The following SIPA1L1 variants were observed in gnomAD, a reference collection of about 807,000 sequenced individuals.
SIPA1L1 encodes signal induced proliferation associated 1 like 1.
Under a neutral mutation model 162.7 loss-of-function variants are expected in SIPA1L1, and 26 were observed. The ratio of observed to expected loss-of-function variants is 0.16; its 90% confidence interval spans 0.12 to 0.22. SIPA1L1 has a LOEUF of 0.22. SIPA1L1 is among the 10% of genes least tolerant of loss of function. The pLI, the probability that SIPA1L1 is intolerant of heterozygous loss-of-function variation, is 1.00. For missense variants in SIPA1L1, 1,874 were observed against 2,241.0 expected (o/e 0.84, Z 3.31); for synonymous variants, 829 against 837.4 (o/e 0.99, Z 0.17).
At position 71,739,044 on chromosome 14, in the gene SIPA1L1, G is replaced by A. The variant is rs759192088; in HGVS notation, c.5235G>A (p.Gln1745=). 6.2e-7 allele frequency: 1 copy of A among 1,613,846 alleles called. No individual in the cohort carries two copies. Among genetic ancestry groups the A allele is most frequent in the South Asian group, 1.1e-5 (1 of 91,058 alleles). ...KKEKEDKAHL[Q]AEVQHLREDN... Reference sequence around the variant, plus strand: ...AAAAAGAAGACAAAGCTCACCTTCAGGCGGAGGTGCAGCACCTGCGAGAGG... The same window carrying A: ...AAAAAGAAGACAAAGCTCACCTTCAAGCGGAGGTGCAGCACCTGCGAGAGG... Residue 1745 remains glutamine, a synonymous_variant, in exon 24 of 24, where the codon CAG becomes CAA. Transcript: ENST00000381232.
intron 2 of SIPA1L1, among the ~76,000 whole-genome samples, chr14:71,434,349 A>G (rs535960016): frequency 6.6e-6 from 1 of 152,368 alleles, no homozygotes; most frequent in South Asian, 2.1e-4. Flanking sequence ...GTAGAAGGAT[A>G]TGAGTATCAC....
intron 19 of SIPA1L1, among the ~76,000 whole-genome samples, chr14:71,728,011 A>G (rs1414827407): frequency 6.6e-6 from 1 of 152,196 alleles, no homozygotes; most frequent in Non-Finnish European, 1.5e-5. Context: ...CTTGAAGCAT[A>G]TTAACATTTC....
At chr14:71,512,279 T>C (rs2051222849) in intron 2 of SIPA1L1, among the ~76,000 whole-genome samples, 2 of 152,098 alleles carry the variant, frequency 1.3e-5, no homozygotes, top group Admixed American at 1.3e-4. Context: ...TCTCATCAAC[T>C]GGGTTTTACT....
intron 2 of SIPA1L1, among the ~76,000 whole-genome samples, chr14:71,352,258 T>C (rs1467767721): frequency 6.6e-6 from 1 of 152,138 alleles, no homozygotes; most frequent in Non-Finnish European, 1.5e-5. Context: ...CATGGCTCAC[T>C]GCAGCCTCCC....
At chr14:71,447,015 G>A (rs1310144370) in intron 2 of SIPA1L1, among the ~76,000 whole-genome samples, 1 of 142,522 alleles carries the variant, frequency 7.0e-6, no homozygotes, top group Non-Finnish European at 1.5e-5. Flanking sequence ...AGGCTCAAGT[G>A]ATTCTCCTAT....
chr14:71,404,954 A>C (rs1390492865), intron 2 of SIPA1L1, among the ~76,000 whole-genome samples: 1 of 152,222 alleles, frequency 6.6e-6, no homozygotes, highest in African/African-American at 2.4e-5. Context: ...TCATTCATTC[A>C]ACAGAGTTTT....
intron 2 of SIPA1L1, among the ~76,000 whole-genome samples, chr14:71,424,733 TGTA>T (rs1433773916): frequency 3.3e-5 from 5 of 152,070 alleles, no homozygotes; most frequent in Non-Finnish European, 4.4e-5. Context: ...CCAATTTTCT[TGTA>T]GTATCTTCAT....
chr14:71,510,723 T>A (rs560239590), intron 2 of SIPA1L1, among the ~76,000 whole-genome samples: 4 of 152,254 alleles, frequency 2.6e-5, no homozygotes, highest in Non-Finnish European at 5.9e-5. Flanking sequence ...TCCTGAGAAT[T>A]ATGGATAATA....
intron 2 of SIPA1L1, among the ~76,000 whole-genome samples, chr14:71,391,697 T>C (rs1380491660): frequency 1.3e-5 from 2 of 152,218 alleles, no homozygotes; most frequent in Non-Finnish European, 2.9e-5. Flanking sequence ...GGGTTCTTTT[T>C]GTCGTCTTCT....
At chr14:71,446,354 T>G (rs866429174) in intron 2 of SIPA1L1, among the ~76,000 whole-genome samples, 2 of 152,228 alleles carry the variant, frequency 1.3e-5, no homozygotes, top group Non-Finnish European at 2.9e-5. Context: ...TATGTATGTT[T>G]TGTATTCTGC....
At chr14:71,492,052 GTAGC>G (rs2049327198) in intron 2 of SIPA1L1, among the ~76,000 whole-genome samples, 1 of 152,116 alleles carries the variant, frequency 6.6e-6, no homozygotes, top group Admixed American at 6.5e-5. Flanking sequence ...AGGCACCACG[GTAGC>G]TAGCATTGGC....
At chr14:71,454,401 T>C (rs1400677681) in intron 2 of SIPA1L1, among the ~76,000 whole-genome samples, 1 of 152,188 alleles carries the variant, frequency 6.6e-6, no homozygotes, top group Admixed American at 6.5e-5. Flanking sequence ...TTGGCAGTTA[T>C]TGAATCTCAG....
At chr14:71,548,037 C>G (rs1316348163) in intron 4 of SIPA1L1, among the ~76,000 whole-genome samples, 2 of 152,252 alleles carry the variant, frequency 1.3e-5, no homozygotes, top group East Asian at 3.9e-4. Flanking sequence ...TATTTTTGAG[C>G]AGGTACCAAC....
chr14:71,417,288 G>T (rs557569783), intron 2 of SIPA1L1, among the ~76,000 whole-genome samples: 1 of 151,140 alleles, frequency 6.6e-6, no homozygotes, highest in African/African-American at 2.4e-5. Flanking sequence ...TGGCTAACAC[G>T]GTGAAACCCC....
intron 2 of SIPA1L1, among the ~76,000 whole-genome samples, chr14:71,352,830 A>G (rs2036852176): frequency 1.3e-5 from 2 of 152,232 alleles, no homozygotes; most frequent in East Asian, 3.8e-4. Flanking sequence ...ATGGCATGTG[A>G]GAGCTCCACA....
chr14:71,356,990 G>T (rs936750501), intron 2 of SIPA1L1, among the ~76,000 whole-genome samples: 8 of 152,070 alleles, frequency 5.3e-5, no homozygotes, highest in African/African-American at 1.7e-4. Flanking sequence ...ATTGAAGAAT[G>T]AAATTAATAT....
chr14:71,545,279 A>G (rs2055081218), intron 4 of SIPA1L1, among the ~76,000 whole-genome samples: 2 of 152,244 alleles, frequency 1.3e-5, no homozygotes, highest in Admixed American at 6.5e-5. Flanking sequence ...CTGGGATTTC[A>G]TTGATACTGT....
intron 4 of SIPA1L1, among the ~76,000 whole-genome samples, chr14:71,550,363 G>A (rs1769145700): frequency 6.6e-6 from 1 of 152,164 alleles, no homozygotes; most frequent in African/African-American, 2.4e-5. Flanking sequence ...CTCAGAAAAG[G>A]TATAGTGTGG....
At chr14:71,519,179 C>T (rs1310696541) in intron 3 of SIPA1L1, among the ~76,000 whole-genome samples, 2 of 152,022 alleles carry the variant, frequency 1.3e-5, no homozygotes, top group Non-Finnish European at 2.9e-5. Context: ...ACCTGTAGTC[C>T]CAGCTACTTG....
Sources: gnomAD v4.1 joint callset for allele counts (sites outside exome capture counted in the v4.1 genomes callset) on GRCh38, gnomAD v4.1.1 for gene constraint, MANE v1.5 for transcripts, NCBI Gene and HGNC (gene_info 2026-07-23, HGNC 2026-07-21) for gene names.